BICD1: variants seen among roughly 807,000 people sequenced by gnomAD.
The protein encoded by BICD1 is protein bicaudal D homolog 1.
BICD1 carries 35 observed loss-of-function variants against 92.5 expected under a neutral mutation model. The ratio of observed to expected loss-of-function variants is 0.38; its 90% CI spans 0.29 to 0.50. The LOEUF is 0.50. Among genes scored for constraint, BICD1 ranks in the 20% least tolerant of loss-of-function variants. The pLI is 0.93. For missense variants in BICD1, 950 were observed against 1,189.8 expected, an observed-to-expected ratio of 0.80 and a Z score of 2.97; for synonymous variants, 429 against 465.1, an observed-to-expected ratio of 0.92 and a Z score of 1.00.
chr12:32,113,350 T>G (rs571712758), intron 1 of BICD1, among the ~76,000 whole-genome samples: 9 of 152,122 alleles, frequency 5.9e-5, no homozygotes, highest in Non-Finnish European at 1.0e-4. Flanking sequence ...GGCAGAGCAG[T>G]TTTAGAGGGT....
chr12:32,293,293 T>G (rs903265346), intron 2 of BICD1, among the ~76,000 whole-genome samples: 6 of 152,168 alleles, frequency 3.9e-5, no homozygotes, highest in African/African-American at 1.4e-4. Flanking sequence ...ACATTTCCAT[T>G]TTAGTACAAT....
intron 4 of BICD1, among the ~76,000 whole-genome samples, chr12:32,324,537 T>C (rs1330573883): frequency 1.3e-5 from 2 of 151,498 alleles, no homozygotes; most frequent in African/African-American, 4.9e-5. Flanking sequence ...CTTCGACATT[T>C]TCATCCTTTT....
At chr12:32,136,043 G>A (rs1033898926) in intron 1 of BICD1, among the ~76,000 whole-genome samples, 2 of 152,120 alleles carry the variant, frequency 1.3e-5, no homozygotes, top group Admixed American at 1.3e-4. Context: ...GGAGTACCTG[G>A]CATATAACTT....
intron 2 of BICD1, among the ~76,000 whole-genome samples, chr12:32,249,930 G>A (rs1946484446): frequency 6.6e-6 from 1 of 151,374 alleles, no homozygotes; most frequent in African/African-American, 2.4e-5. Flanking sequence ...AAATGCTTCT[G>A]GGGTTGGCAT....
At chr12:32,321,104 T>C (rs948655606) in intron 4 of BICD1, among the ~76,000 whole-genome samples, 1 of 152,144 alleles carries the variant, frequency 6.6e-6, no homozygotes, top group African/African-American at 2.4e-5. Context: ...GGTGGGCAGA[T>C]CACCTGAGGT....
chr12:32,310,648 T>C (rs1948347025), intron 4 of BICD1, among the ~76,000 whole-genome samples: 1 of 152,180 alleles, frequency 6.6e-6, no homozygotes, highest in South Asian at 2.1e-4. Flanking sequence ...CAGTCATGCA[T>C]GGAGGAAGAA....
intron 2 of BICD1, among the ~76,000 whole-genome samples, chr12:32,236,709 A>G (rs1303130017): frequency 2.0e-5 from 3 of 152,182 alleles, no homozygotes; most frequent in Non-Finnish European, 2.9e-5. Context: ...CCAAACTGTG[A>G]ATGCAAAGGA....
intron 1 of BICD1, among the ~76,000 whole-genome samples, chr12:32,200,193 C>G (rs1944866099): frequency 6.6e-6 from 1 of 152,212 alleles, no homozygotes; most frequent in Non-Finnish European, 1.5e-5. Flanking sequence ...CCATCCACTT[C>G]TGCTTACACT....
intron 1 of BICD1, among the ~76,000 whole-genome samples, chr12:32,114,528 A>T (rs972525338): frequency 6.6e-6 from 1 of 151,970 alleles, no homozygotes; most frequent in Non-Finnish European, 1.5e-5. Flanking sequence ...CTACAGGTGC[A>T]CACCGCCATG....
chr12:32,266,431 C>T (rs959094615), intron 2 of BICD1, among the ~76,000 whole-genome samples: 3 of 152,128 alleles, frequency 2.0e-5, no homozygotes, highest in African/African-American at 7.2e-5. Flanking sequence ...AATTCATTTC[C>T]TCTTTAATTA....
At chr12:32,357,270 C>T (rs1939153524) in intron 8 of BICD1, among the ~76,000 whole-genome samples, 1 of 152,096 alleles carries the variant, frequency 6.6e-6, no homozygotes, top group Non-Finnish European at 1.5e-5. Flanking sequence ...ACCTTGGCCT[C>T]CTAAAGTGCT....
intron 2 of BICD1, among the ~76,000 whole-genome samples, chr12:32,273,168 G>A (rs529421165): frequency 9.9e-5 from 15 of 152,272 alleles, no homozygotes; most frequent in Admixed American, 1.3e-4. Flanking sequence ...TGTGCAAGAC[G>A]TAAGGGAGGC....
chr12:32,377,723 T>C lies in BICD1; in HGVS notation c.*96T>C, dbSNP rs1469781035. 1 of 1,101,274 alleles carries C rather than the reference T, an allele frequency of 9.1e-7. No homozygotes were observed. The highest frequency in any genetic ancestry group is 1.4e-6 in the Non-Finnish European group (1 of 722,730). 68.2% of individuals were successfully genotyped at this position (1,101,274 alleles called of 1,614,324 possible). On this transcript the variant is annotated 3_prime_UTR_variant, in exon 10 of 10. Coordinates refer to ENST00000652176, the MANE Select transcript of BICD1 (RefSeq NM_001714.4). ...CAGCGGGTGTTTTCTTCTCGGTTGT[T>C]AGATGTACAATTGGATTAATGTCCA...
intron 1 of BICD1, among the ~76,000 whole-genome samples, chr12:32,148,835 C>A (rs191471339): frequency 5.9e-5 from 9 of 152,166 alleles, no homozygotes; most frequent in African/African-American, 2.2e-4. Flanking sequence ...GCCTAGGCAA[C>A]ATGGTGAAAC....
At chr12:32,149,891 C>G (rs979333123) in intron 1 of BICD1, among the ~76,000 whole-genome samples, 2 of 152,136 alleles carry the variant, frequency 1.3e-5, no homozygotes, top group African/African-American at 4.8e-5. Flanking sequence ...GTAATACTAT[C>G]GTATTCGTTC....
intron 4 of BICD1, among the ~76,000 whole-genome samples, chr12:32,308,526 A>T (rs2136224063): frequency 6.6e-6 from 1 of 152,318 alleles, no homozygotes; most frequent in South Asian, 2.1e-4. Context: ...TGTTATCATT[A>T]TTTCAACTCC....
intron 2 of BICD1, among the ~76,000 whole-genome samples, chr12:32,258,791 C>T (rs888264142): frequency 9.2e-5 from 14 of 152,326 alleles, no homozygotes; most frequent in African/African-American, 3.1e-4. Context: ...TTCACTATTT[C>T]TTCTACCACT....
intron 1 of BICD1, among the ~76,000 whole-genome samples, chr12:32,213,633 T>C (rs917799525): frequency 6.6e-6 from 1 of 152,206 alleles, no homozygotes; most frequent in African/African-American, 2.4e-5. Context: ...TGACCTCAGA[T>C]GATCTGTCTC....
chr12:32,193,562 A>G (rs1336799483), intron 1 of BICD1, among the ~76,000 whole-genome samples: 2 of 152,236 alleles, frequency 1.3e-5, no homozygotes, highest in Non-Finnish European at 2.9e-5. Flanking sequence ...TAGAATCATA[A>G]GAGACTACTG....
Sources: allele counts gnomAD v4.1 joint callset (sites outside exome capture counted in the v4.1 genomes callset), GRCh38; gene constraint gnomAD v4.1.1; transcripts MANE v1.5; gene names NCBI Gene and HGNC (gene_info 2026-07-23, HGNC 2026-07-21).